The following IKBKE variants were observed in gnomAD, a reference collection of about 807,000 sequenced individuals.
IKBKE encodes the protein inhibitor of nuclear factor kappa B kinase subunit epsilon, also known as inhibitor of nuclear factor kappa-B kinase subunit epsilon.
IKBKE carries 45 observed loss-of-function variants against 92.1 expected under a neutral mutation model. The observed-to-expected ratio is 0.49, with a 90% CI of 0.38 to 0.63. The LOEUF (loss-of-function observed/expected upper bound fraction) is 0.63, where lower values mean the gene tolerates loss of function less well. Ranked by LOEUF, IKBKE falls within the 20% of genes least tolerant of loss-of-function variation. The pLI, the probability that IKBKE is intolerant of heterozygous loss-of-function variation, is 0.00. For synonymous variants in IKBKE, 374 were observed against 380.3 expected (o/e 0.98, Z 0.19); for missense variants, 700 against 932.8 (o/e 0.75, Z 3.25).
At position 206,476,823 on chromosome 1, in the gene IKBKE, G is replaced by A. The variant is rs377576134; in HGVS notation, c.686G>A (p.Arg229Gln). The A allele has an allele frequency of 1.9e-5, 31 of 1,614,120 alleles. No individual in the cohort carries two copies. Among genetic ancestry groups the A allele is most frequent in the African/African-American group, 5.3e-5 (4 of 74,948 alleles). Residue 229 changes from arginine to glutamine, a missense_variant, in exon 7 of 22, where the codon CGG becomes CAG. Physicochemically the swap from Arg to Gln is conservative, Grantham distance 43. Coordinates refer to ENST00000581977, the MANE Select transcript of IKBKE (RefSeq NM_014002.4). This position sits in a 1 kb window ranked among gnomAD's most constrained non-coding sequence, Gnocchi z 5.1. ...LPFIPFGGPR[R>Q]NKEIMYRITT... ...TTCATCCCCTTTGGTGGGCCACGGCGGAACAAGGAGATCATGTACGGTGGG... is the reference window on the plus strand; with the variant it reads ...TTCATCCCCTTTGGTGGGCCACGGCAGAACAAGGAGATCATGTACGGTGGG...
intron 19 of IKBKE, 65 bp from the exon 20 acceptor site, chr1:206,493,201 C>T (rs530219147): frequency 1.0e-5 from 16 of 1,555,824 alleles, no homozygotes; most frequent in Admixed American, 1.7e-5. Context: ...TCCTCCAGCA[C>T]TCCCCCTACC....
At chr1:206,491,295 C>T (rs929378453) in intron 17 of IKBKE, 1 of 357,372 alleles carries the variant, frequency 2.8e-6, no homozygotes, top group South Asian at 2.8e-5. Flanking sequence ...ACAAGCACCC[C>T]GACCCCTTTT....
chr1:206,490,983 G>A lies in IKBKE; in HGVS notation c.1733+125G>A. 1 of 865,626 alleles carries A rather than the reference G, an allele frequency of 1.2e-6. No individual in the cohort carries two copies. Among genetic ancestry groups the A allele is most frequent in the Non-Finnish European group, 1.9e-6 (1 of 519,188 alleles). 53.6% of individuals were successfully genotyped at this position (865,626 alleles called of 1,614,324 possible). A position where few individuals can be genotyped will look rare whatever the true frequency, so the allele number is the denominator to read the frequency against. ...TCCCGGACTGCAGCTGAGCAGAGTTGGGGATAACAGGTTATCTGGGGCCAG... is the reference window on the plus strand; with the variant it reads ...TCCCGGACTGCAGCTGAGCAGAGTTAGGGATAACAGGTTATCTGGGGCCAG... On this transcript the variant is annotated intron_variant, in intron 17 of 21. Transcript: ENST00000581977. This position sits in a 1 kb window ranked among gnomAD's most constrained non-coding sequence, Gnocchi z 5.2.
In IKBKE at chr1:206,496,457, G is replaced by A. The variant is rs41262144; in HGVS notation, c.*312G>A. ...CTCCATGCCCATGGCTGGGCCGTGG[G>A]GAGAAGAAGCTCTCATACGCCTTCC... On this transcript the variant is annotated 3_prime_UTR_variant, in exon 22 of 22. Transcript: ENST00000581977. The A allele has an allele frequency of 0.014, 5,914 of 408,722 alleles. 68 individuals are homozygous for A. The highest frequency in any genetic ancestry group is 0.03 in the Middle Eastern group (47 of 1,558). The allele number at this position is 408,722 out of a possible 1,614,324, so 25.3% of individuals were successfully genotyped here.
chr1:206,495,124 T>C (rs17025213), intron 21 of IKBKE, among the ~76,000 whole-genome samples: 12,762 of 152,018 alleles, frequency 0.084, 1,402 homozygotes, highest in African/African-American at 0.26. Context: ...TTTATATACA[T>C]GTACACACGT....
At chr1:206,486,212 A>T (rs1481649663) in intron 15 of IKBKE, among the ~76,000 whole-genome samples, 13 of 152,276 alleles carry the variant, frequency 8.5e-5, no homozygotes. Flanking sequence ...GGGCCATTCC[A>T]CAATACACTG....
chr1:206,474,379 C>T lies in IKBKE; in HGVS notation c.136C>T (p.Leu46=), dbSNP rs56035621. 2,377 of 1,614,102 alleles carry T rather than the reference C, an allele frequency of 1.5e-3. 7 individuals are homozygous for T. The highest frequency in any genetic ancestry group is 2.1e-3 in the South Asian group (191 of 91,088). ...AVKVFNTTSY[L]RPREVQVREF... Reference sequence around the variant, plus strand: ...GAAGGTCTTCAACACTACCAGCTACCTGCGGCCCCGCGAGGTGCAGGTGAG... The same window carrying T: ...GAAGGTCTTCAACACTACCAGCTACTTGCGGCCCCGCGAGGTGCAGGTGAG... Residue 46 remains leucine (L), a synonymous_variant, in exon 4 of 22, where the codon CTG becomes TTG. Transcript: ENST00000581977.
chr1:206,480,256 G>C, intron 12 of IKBKE, 143 bp downstream of exon 12: 1 of 585,284 alleles, frequency 1.7e-6, no homozygotes, highest in Non-Finnish European at 3.0e-6. Flanking sequence ...GGGCAGGAGA[G>C]GGAGGTGGGC....
In IKBKE at chr1:206,484,997, G is replaced by A. The variant is rs782682808; in HGVS notation, c.1428G>A (p.Arg476=). Residue 476 remains arginine (R), a splice_region_variant and synonymous_variant, in exon 14 of 22, where the codon AGG becomes AGA. Coordinates refer to ENST00000581977, the MANE Select transcript of IKBKE (RefSeq NM_014002.4). The part of the protein sequence containing the change: ...LYLSSSLGTE[R]FSSVAGTPEI... ...GGCCTTTCTCTTTGCTTCCCTCAAG[G>A]TTCAGCAGCGTGGCTGGAACGCCTG... The A allele has an allele frequency of 6.2e-7, 1 of 1,613,758 alleles. No homozygotes were observed. Among genetic ancestry groups the A allele is most frequent in the Non-Finnish European group, 8.5e-7 (1 of 1,179,836 alleles).
chr1:206,496,574 T>C lies in IKBKE; in HGVS notation c.*429T>C, dbSNP rs1439364512. ...CAGGGCAGTAGGTCAAACGACCTCA[T>C]CACAGTCTTCCTTCCTCTTCAAGCG... On this transcript the variant is annotated 3_prime_UTR_variant, in exon 22 of 22. Coordinates refer to ENST00000581977, the MANE Select transcript of IKBKE (RefSeq NM_014002.4). 2.8e-5 allele frequency: 7 copies of C among 250,954 alleles called. No individual in the cohort carries two copies. The highest frequency in any genetic ancestry group is 2.1e-4 in the Admixed American group (4 of 18,628). The allele number at this position is 250,954 out of a possible 1,614,324, so 15.5% of individuals were successfully genotyped here. A position where few individuals can be genotyped will look rare whatever the true frequency, so the allele number is the denominator to read the frequency against.
At chr1:206,472,380 C>G (rs1252692847) in intron 2 of IKBKE, among the ~76,000 whole-genome samples, 1 of 152,198 alleles carries the variant, frequency 6.6e-6, no homozygotes, top group African/African-American at 2.4e-5. Context: ...AGTTTAACTT[C>G]TGAGGATACA....
chr1:206,494,517 A>G (rs1553391598), intron 21 of IKBKE, among the ~76,000 whole-genome samples: 1 of 149,886 alleles, frequency 6.7e-6, no homozygotes, highest in East Asian at 2.0e-4. Context: ...CTGAGGGGTC[A>G]TGAGAGGTTG....
chr1:206,488,065 T>TA, intron 16 of IKBKE, 75 bp downstream of exon 16: 22 of 1,154,946 alleles, frequency 1.9e-5, no homozygotes, highest in Non-Finnish European at 2.6e-5. Context: ...TTTTCACTGG[T>TA]GCTACCAGTG....
rs919486926 is a variant in IKBKE, at chr1:206,485,360, A to T, written c.1616+54A>T. 35 of 1,060,204 alleles carry T rather than the reference A, an allele frequency of 3.3e-5. No homozygotes were observed. Among genetic ancestry groups the T allele is most frequent in the Admixed American group, 1.8e-5 (1 of 56,930 alleles). The allele number at this position is 1,060,204 out of a possible 1,614,324, so 65.7% of individuals were successfully genotyped here. On this transcript the variant is annotated intron_variant, in intron 15 of 21. Transcript: ENST00000581977. The surrounding 1 kb of genome is among the most constrained non-coding windows in gnomAD (Gnocchi z 5.0). ...TGGGAGTGGGGGAGTGGGCAGCTCC[A>T]AAGGTCCAGTAACCTTTAGCCTTTT...
Position 206,479,910 on chromosome 1 carries a change from G to A in IKBKE, c.1224G>A (p.Leu408=), listed in dbSNP as rs149650601. ...DVPKFVPKVD[L]QADYNTAKGV... ...CCAAGTTCGTCCCCAAAGTGGACCT[G>A]CAGGCGGATTACAACACTGCCAAGG... Residue 408 remains leucine, a synonymous_variant, in exon 11 of 22, where the codon CTG becomes CTA. Coordinates refer to ENST00000581977, the MANE Select transcript of IKBKE (RefSeq NM_014002.4). The A allele has an allele frequency of 2.2e-5, 36 of 1,613,934 alleles. No individual in the cohort carries two copies. In the African/African-American group the frequency reaches 4.4e-4, roughly 20 times the overall value.
In IKBKE at chr1:206,478,017, C is replaced by A; in HGVS notation, c.813-143C>A. On this transcript the variant is annotated intron_variant, in intron 8 of 21. Transcript: ENST00000581977. This position sits in a 1 kb window ranked among gnomAD's most constrained non-coding sequence, Gnocchi z 4.8. ...ATCTGGTTGCTGGAACGAGTTCTTC[C>A]AGCTCTTCCTCCCCAACCCACCCTG... 1 of 833,118 alleles carries A rather than the reference C, an allele frequency of 1.2e-6. No homozygotes were observed. Among genetic ancestry groups the A allele is most frequent in the Non-Finnish European group, 1.9e-6 (1 of 521,718 alleles). The allele number at this position is 833,118 out of a possible 1,614,324, so 51.6% of individuals were successfully genotyped here.
At position 206,473,433 on chromosome 1, in the gene IKBKE, G is replaced by A. The variant is rs41295992; in HGVS notation, c.87+119G>A. 579 of 708,622 alleles carry A rather than the reference G, an allele frequency of 8.2e-4. 1 individual carries two copies. In the African/African-American group the frequency reaches 9.4e-3, roughly 11 times the overall value. 43.9% of individuals were successfully genotyped at this position (708,622 alleles called of 1,614,324 possible). On this transcript the variant is annotated intron_variant, in intron 3 of 21. Coordinates refer to ENST00000581977, the MANE Select transcript of IKBKE (RefSeq NM_014002.4). ...GGTGGTGGGACAGGGACCTCTGGAT[G>A]TTGTGTAGCACACTCATACTGTGGG... is the stretch of plus-strand genomic sequence containing the variant.
At chr1:206,473,560 C>T (rs371478404) in intron 3 of IKBKE, among the ~76,000 whole-genome samples, 1 of 152,182 alleles carries the variant, frequency 6.6e-6, no homozygotes, top group African/African-American at 2.4e-5. Context: ...GGCAAACATC[C>T]GAGGAAGGTA....
At chr1:206,473,519 G>A (rs1312669094) in intron 3 of IKBKE, among the ~76,000 whole-genome samples, 4 of 152,238 alleles carry the variant, frequency 2.6e-5, no homozygotes, top group African/African-American at 4.8e-5. Context: ...TGTCGGGCAC[G>A]AGTTGGAGCA....
Sources: gnomAD v4.1 joint callset for allele counts (sites outside exome capture counted in the v4.1 genomes callset) on GRCh38, gnomAD v4.1.1 for gene constraint, Gnocchi (gnomAD v3.1) non-coding constraint, MANE v1.5 for transcripts, NCBI Gene and HGNC (gene_info 2026-07-23, HGNC 2026-07-21) for gene names.